The following GRIK2 variants were observed in gnomAD, a reference collection of about 807,000 sequenced individuals.
GRIK2 encodes glutamate receptor ionotropic, kainate 2.
GRIK2 carries 32 observed loss-of-function variants against 100.3 expected under a neutral mutation model. That is an observed-to-expected ratio of 0.32 (90% confidence interval 0.24 to 0.43). GRIK2 has a LOEUF of 0.43. GRIK2 is among the 20% of genes least tolerant of loss of function. The probability of loss-of-function intolerance (pLI) is 1.00; values close to 1 mark genes in which losing one functional copy is unlikely to be tolerated. For missense variants in GRIK2, 843 were observed against 1,114.9 expected (o/e 0.76, Z 3.47); for synonymous variants, 417 against 389.4 (o/e 1.07, Z -0.83).
At chr6:101,423,641 G>T (rs1424645153) in intron 2 of GRIK2, among the ~76,000 whole-genome samples, 1 of 152,012 alleles carries the variant, frequency 6.6e-6, no homozygotes, top group Non-Finnish European at 1.5e-5. Context: ...TTAAAATCAG[G>T]TTATTTGTTT....
chr6:101,621,227 C>G (rs1474587757), intron 2 of GRIK2, among the ~76,000 whole-genome samples: 1 of 152,084 alleles, frequency 6.6e-6, no homozygotes, highest in African/African-American at 2.4e-5. Flanking sequence ...CCAAGGCAGG[C>G]AGATGGCTTG....
intron 15 of GRIK2, among the ~76,000 whole-genome samples, chr6:102,052,958 C>G (rs1771275515): frequency 6.6e-6 from 1 of 151,946 alleles, no homozygotes. Flanking sequence ...ATCCCAGCTA[C>G]TCAGGATGCT....
intron 2 of GRIK2, among the ~76,000 whole-genome samples, chr6:101,402,844 T>C (rs1256521018): frequency 2.0e-5 from 3 of 152,184 alleles, no homozygotes; most frequent in Non-Finnish European, 1.5e-5. Context: ...GGCATCTTTG[T>C]TTCGCCGCAG....
intron 2 of GRIK2, among the ~76,000 whole-genome samples, chr6:101,416,664 C>A (rs545391272): frequency 6.6e-6 from 1 of 152,086 alleles, no homozygotes; most frequent in South Asian, 2.1e-4. Flanking sequence ...GTGAGTTTAC[C>A]CAGTTTTTCC....
chr6:101,822,962 A>T (rs541913436), intron 10 of GRIK2, among the ~76,000 whole-genome samples: 1 of 152,260 alleles, frequency 6.6e-6, no homozygotes, highest in East Asian at 1.9e-4. Context: ...ATAATTATTT[A>T]CCTAAAGCAA....
In GRIK2 at chr6:101,844,094, T is replaced by C. The variant is rs371660497; in HGVS notation, c.1318-15193T>C. Among the ~76,000 whole-genome samples, 70 of 151,982 alleles carry C rather than the reference T, an allele frequency of 4.6e-4. 1 individual carries two copies. In the South Asian group the frequency reaches 9.1e-3, roughly 20 times the overall value. ...TCATTTTTAATTTTACAGGGTGTAA[T>C]CAAGAAAAAAAGAAAGTAAAGGCAG... On this transcript the variant is annotated intron_variant, in intron 10 of 16. Coordinates refer to ENST00000369134, the MANE Select transcript of GRIK2 (RefSeq NM_021956.5).
rs115414874 is a variant in GRIK2 at position 101,626,008 on chromosome 6, A to G, written c.284-372A>G. ...TTTGATTAAGAAATGGAAAATGTAA[A>G]AACTGTTCAGTGAATTTGAGAAGCT... On this transcript the variant is annotated intron_variant, in intron 3 of 16. Coordinates refer to ENST00000369134, the MANE Select transcript of GRIK2 (RefSeq NM_021956.5). Among the ~76,000 whole-genome samples the G allele has an allele frequency of 5.2e-3, 799 of 152,250 alleles. 10 individuals carry two copies. Among genetic ancestry groups the G allele is most frequent in the African/African-American group, 0.018 (760 of 41,552 alleles).
At chr6:101,629,510 C>G (rs1780613578) in intron 4 of GRIK2, among the ~76,000 whole-genome samples, 1 of 152,068 alleles carries the variant, frequency 6.6e-6, no homozygotes, top group Non-Finnish European at 1.5e-5. Flanking sequence ...TGTAATAACT[C>G]ATATTTTTAA....
chr6:101,779,622 C>T (rs1255112260), intron 7 of GRIK2, among the ~76,000 whole-genome samples: 3 of 152,234 alleles, frequency 2.0e-5, no homozygotes, highest in African/African-American at 7.2e-5. Flanking sequence ...AGTTGACAGG[C>T]GTCTGAACTA....
At chr6:102,048,105 A>G (rs950282669) in intron 15 of GRIK2, among the ~76,000 whole-genome samples, 3 of 151,214 alleles carry the variant, frequency 2.0e-5, no homozygotes, top group African/African-American at 4.9e-5. Context: ...AGAACACCCA[A>G]TGGAAAAAAA....
intron 11 of GRIK2, among the ~76,000 whole-genome samples, chr6:101,882,323 A>C (rs1482160734): frequency 6.6e-6 from 1 of 152,122 alleles, no homozygotes; most frequent in East Asian, 1.9e-4. Flanking sequence ...AGAGTGCACA[A>C]CAAAATCAGA....
chr6:101,865,648 T>A (rs1221015519), intron 11 of GRIK2, among the ~76,000 whole-genome samples: 4 of 151,892 alleles, frequency 2.6e-5, no homozygotes, highest in Non-Finnish European at 5.9e-5. Flanking sequence ...GCACTTTGGG[T>A]GGCCAAGGTG....
chr6:101,973,074 C>T (rs1406868123), intron 14 of GRIK2, among the ~76,000 whole-genome samples: 1 of 151,782 alleles, frequency 6.6e-6, no homozygotes, highest in African/African-American at 2.4e-5. Context: ...GGGACTAACT[C>T]TCTGCCCAGA....
intron 10 of GRIK2, among the ~76,000 whole-genome samples, chr6:101,839,921 T>C (rs1370175275): frequency 6.6e-6 from 1 of 152,124 alleles, no homozygotes; most frequent in Non-Finnish European, 1.5e-5. Context: ...AATATATTGA[T>C]CTAGTTGGCA....
intron 2 of GRIK2, among the ~76,000 whole-genome samples, chr6:101,498,826 C>G (rs1773593478): frequency 6.6e-6 from 1 of 152,142 alleles, no homozygotes; most frequent in South Asian, 2.1e-4. Context: ...GTTGCCTGTT[C>G]ACTCTGATGG....
intron 2 of GRIK2, among the ~76,000 whole-genome samples, chr6:101,438,512 G>A (rs1321128885): frequency 6.6e-6 from 1 of 151,832 alleles, no homozygotes; most frequent in Non-Finnish European, 1.5e-5. Context: ...ACTCGTAAAT[G>A]GAATATATAT....
chr6:101,735,795 C>T (rs1260963235), intron 7 of GRIK2, among the ~76,000 whole-genome samples: 1 of 152,180 alleles, frequency 6.6e-6, no homozygotes, highest in African/African-American at 2.4e-5. Context: ...ATTTCAAAAC[C>T]AATCATGCCT....
At chr6:101,738,604 A>G (rs1343071132) in intron 7 of GRIK2, among the ~76,000 whole-genome samples, 1 of 152,036 alleles carries the variant, frequency 6.6e-6, no homozygotes, top group Admixed American at 6.6e-5. Flanking sequence ...ATTCATTTAT[A>G]TGGTAAATAT....
intron 2 of GRIK2, among the ~76,000 whole-genome samples, chr6:101,483,831 A>C (rs1179403562): frequency 6.6e-6 from 1 of 152,136 alleles, no homozygotes; most frequent in African/African-American, 2.4e-5. Flanking sequence ...CAGCCTCCCA[A>C]AGTGCTGGGA....
Sources: gnomAD v4.1 joint callset for allele counts (sites outside exome capture counted in the v4.1 genomes callset) on GRCh38, gnomAD v4.1.1 for gene constraint, MANE v1.5 for transcripts, NCBI Gene and HGNC (gene_info 2026-07-23, HGNC 2026-07-21) for gene names.